The following P4HA3 variants were observed in gnomAD, a reference collection of about 807,000 sequenced individuals.
P4HA3 encodes prolyl 4-hydroxylase subunit alpha-3.
Under a neutral mutation model 66.7 loss-of-function variants are expected in P4HA3, and 60 were observed. That is an observed-to-expected ratio of 0.90 (90% CI 0.73 to 1.12). P4HA3 has a LOEUF of 1.12. P4HA3 is among the 50% of genes most tolerant of loss of function. P4HA3 has a pLI of 0.00. For synonymous variants in P4HA3, 263 were observed against 274.6 expected, an observed-to-expected ratio of 0.96 and a Z score of 0.42; for missense variants, 683 against 685.8, an observed-to-expected ratio of 1.00 and a Z score of 0.05.
intron 11 of P4HA3, 72 bp downstream of exon 11, chr11:74,269,580 G>T (rs1347355020): frequency 1.4e-6 from 2 of 1,471,006 alleles, no homozygotes; most frequent in East Asian, 2.4e-5. Flanking sequence ...TGCAAGCACA[G>T]ACAGCGTGAA....
At chr11:74,291,036 A>C (rs946408260) in intron 4 of P4HA3, among the ~76,000 whole-genome samples, 1 of 152,218 alleles carries the variant, frequency 6.6e-6, no homozygotes, top group African/African-American at 2.4e-5. Context: ...TACTTTGGGC[A>C]GTATGGCCAT....
At chr11:74,252,543 C>T in intron 15 of P4HA3, 1 of 454,954 alleles carries the variant, frequency 2.2e-6, no homozygotes, top group Non-Finnish European at 4.4e-6. Flanking sequence ...AGGGGTGATC[C>T]TGGAAGCTCT....
At chr11:74,268,616 G>A (rs1860078836) in intron 11 of P4HA3, among the ~76,000 whole-genome samples, 2 of 152,174 alleles carry the variant, frequency 1.3e-5, no homozygotes, top group African/African-American at 4.8e-5. Flanking sequence ...CCACAAGGTG[G>A]AACAAAATAT....
intron 5 of P4HA3, 35 bp downstream of exon 5, chr11:74,289,044 A>G: frequency 6.8e-7 from 1 of 1,465,622 alleles, no homozygotes; most frequent in South Asian, 1.4e-5. Context: ...CGTAAATCAG[A>G]CCTGTGGCTG....
intron 15 of P4HA3, among the ~76,000 whole-genome samples, chr11:74,257,458 C>T (rs1859847989): frequency 6.6e-6 from 1 of 152,050 alleles, no homozygotes. Flanking sequence ...CTTGAAGTAT[C>T]ACAAAGTGGA....
At chr11:74,263,762 A>G (rs1188616395), downstream of P4HA3, among the ~76,000 whole-genome samples, 2 of 152,200 alleles carry the variant, frequency 1.3e-5, no homozygotes, top group Non-Finnish European at 2.9e-5. Flanking sequence ...GCAAGTGATA[A>G]GTAGTGCAGT....
intron 4 of P4HA3, among the ~76,000 whole-genome samples, chr11:74,289,408 A>T (rs1860925627): frequency 6.6e-6 from 1 of 151,928 alleles, no homozygotes; most frequent in Non-Finnish European, 1.5e-5. Context: ...AGTGCCCTCA[A>T]ATCTTTTTTT....
At position 74,301,623 on chromosome 11, in the gene P4HA3, A is replaced by G. The variant is rs76136391; in HGVS notation, c.567+746T>C. Among the ~76,000 whole-genome samples, 328 of 152,356 alleles carry G rather than the reference A, an allele frequency of 2.2e-3. 3 individuals carry two copies. Among genetic ancestry groups the G allele is most frequent in the African/African-American group, 7.6e-3 (314 of 41,576 alleles). On this transcript the variant is annotated intron_variant, in intron 3 of 12. Coordinates refer to ENST00000331597, the MANE Select transcript of P4HA3 (RefSeq NM_182904.5). ...CAGGAAAAATACACCTTACTGCAAT[A>G]AACATCTTCAAAGTTAAAATGGATT...
chr11:74,308,392 T>C (rs1861633635), intron 1 of P4HA3, among the ~76,000 whole-genome samples: 2 of 151,964 alleles, frequency 1.3e-5, no homozygotes, highest in Admixed American at 1.3e-4. Flanking sequence ...AAAAAAACCC[T>C]AGCCAGGCAT....
rs1386703634 is a variant in P4HA3, at chr11:74,302,464, C to T, written c.472G>A (p.Val158Ile). Residue 158 changes from valine (V) to isoleucine (I), a missense_variant, in exon 3 of 13, where the codon GTC becomes ATC. Transcript: ENST00000331597. ...MLNVKGLARG[V>I]FQRVTGSAIT... is the part of the protein sequence containing the mutation. ...GCAGAGCCAGTGACTCTCTGAAAGA[C>T]ACCTCGGGCCAGGCCTTTCACATTG... The T allele has an allele frequency of 1.4e-5, 23 of 1,614,044 alleles. No individual in the cohort carries two copies. The highest frequency in any genetic ancestry group is 1.9e-5 in the Non-Finnish European group (22 of 1,180,038).
intron 15 of P4HA3, among the ~76,000 whole-genome samples, chr11:74,254,937 C>T (rs1392899924): frequency 6.6e-6 from 1 of 152,172 alleles, no homozygotes; most frequent in Non-Finnish European, 1.5e-5. Flanking sequence ...TCGGCTGTGT[C>T]GACTTTGGTC....
chr11:74,311,554 C>A lies in P4HA3; in HGVS notation c.58G>T (p.Asp20Tyr). ...LLAVLALGTG[D>Y]PERAAARGDT... is the part of the protein sequence containing the mutation. ...CCCCGAGCCGCAGCCCTTTCTGGGT[C>A]TCCTGTCCCGAGCGCCAGCACCGCC... Residue 20 changes from aspartate (D) to tyrosine (Y), a missense_variant, in exon 1 of 13, where the codon GAC becomes TAC. Physicochemically the swap from Asp to Tyr is radical, Grantham distance 160 (BLOSUM62 -3). Transcript: ENST00000331597. 1 of 1,542,134 alleles carries A rather than the reference C, an allele frequency of 6.5e-7. No individual in the cohort carries two copies. Among genetic ancestry groups the A allele is most frequent in the Non-Finnish European group, 8.7e-7 (1 of 1,154,802 alleles).
At chr11:74,264,616 G>A (rs1036299525), downstream of P4HA3, among the ~76,000 whole-genome samples, 4 of 152,192 alleles carry the variant, frequency 2.6e-5, no homozygotes, top group African/African-American at 9.7e-5. Context: ...CTGGCACTGA[G>A]TATGCACCTT....
downstream of P4HA3, among the ~76,000 whole-genome samples, chr11:74,263,521 T>A (rs577887473): frequency 6.6e-6 from 1 of 152,334 alleles, no homozygotes; most frequent in South Asian, 2.1e-4. Flanking sequence ...TGGATTTGAA[T>A]CCTGCCTCTG....
intron 11 of P4HA3, 71 bp downstream of exon 11, chr11:74,269,581 A>G: frequency 6.8e-7 from 1 of 1,475,312 alleles, no homozygotes; most frequent in East Asian, 2.4e-5. Context: ...GCAAGCACAG[A>G]CAGCGTGAAG....
intron 9 of P4HA3, 116 bp from the exon 10 acceptor site, chr11:74,273,723 G>T: frequency 1.3e-6 from 1 of 768,962 alleles, no homozygotes; most frequent in Non-Finnish European, 1.9e-6. Flanking sequence ...ATGGGATATA[G>T]TTCTGATATA....
intron 15 of P4HA3, chr11:74,250,953 G>C: frequency 6.3e-7 from 1 of 1,597,488 alleles, no homozygotes; most frequent in Non-Finnish European, 8.5e-7. Context: ...TTCCTCTCCA[G>C]GGAAGTTCCA....
chr11:74,294,316 C>G (rs1158158408), intron 4 of P4HA3, among the ~76,000 whole-genome samples: 1 of 152,174 alleles, frequency 6.6e-6, no homozygotes, highest in African/African-American at 2.4e-5. Flanking sequence ...TTAAGGACTT[C>G]TCTGCATTGG....
intron 7 of P4HA3, among the ~76,000 whole-genome samples, chr11:74,284,279 AAG>A (rs1440864654): frequency 6.6e-6 from 1 of 152,180 alleles, no homozygotes; most frequent in Non-Finnish European, 1.5e-5. Flanking sequence ...TTCCCTGTGG[AAG>A]AATTAGAACC....
Sources: allele counts gnomAD v4.1 joint callset (sites outside exome capture counted in the v4.1 genomes callset), GRCh38; gene constraint gnomAD v4.1.1; transcripts MANE v1.5; gene names NCBI Gene and HGNC (gene_info 2026-07-23, HGNC 2026-07-21).